The following SLC22A13 variants were observed in gnomAD, a reference collection of about 807,000 sequenced individuals.
SLC22A13 encodes the protein solute carrier family 22 member 13.
Under a neutral mutation model 49.1 loss-of-function variants are expected in SLC22A13, and 42 were observed. That is an observed-to-expected ratio of 0.85 (90% CI 0.67 to 1.11). The LOEUF is 1.11. Ranked by LOEUF, SLC22A13 falls within the 50% of genes least tolerant of loss-of-function variation. The probability of loss-of-function intolerance (pLI) is 0.00; values close to 1 mark genes in which losing one functional copy is unlikely to be tolerated. For synonymous variants in SLC22A13, 282 were observed against 293.1 expected (o/e 0.96, Z 0.39); for missense variants, 694 against 712.8 (o/e 0.97, Z 0.30).
chr3:38,266,283 T>G (rs1342132005), intron 1 of SLC22A13, 45 bp downstream of exon 1: 1 of 1,589,754 alleles, frequency 6.3e-7, no homozygotes, highest in Admixed American at 1.7e-5. Flanking sequence ...TGTGGGTCTG[T>G]CAGGTCTTGT....
intron 1 of SLC22A13, 108 bp from the exon 2 acceptor site, chr3:38,274,164 G>A (rs752300117): frequency 2.3e-5 from 19 of 817,650 alleles, no homozygotes; most frequent in Non-Finnish European, 4.0e-5. Context: ...TCAGTACACA[G>A]TTTGGGAACC....
chr3:38,267,613 G>A (rs984729586), intron 1 of SLC22A13, among the ~76,000 whole-genome samples: 23 of 152,164 alleles, frequency 1.5e-4, no homozygotes, highest in African/African-American at 5.3e-4. Context: ...TCATGCAACC[G>A]TATTCAGCCA....
intron 2 of SLC22A13, 69 bp downstream of exon 2, chr3:38,274,444 C>G (rs1000295155): frequency 6.9e-7 from 1 of 1,459,092 alleles, no homozygotes; most frequent in Admixed American, 1.7e-5. Flanking sequence ...CCAAGTCCCC[C>G]TTATGCCCCT....
rs766729000 is a variant in SLC22A13 at position 38,265,974 on chromosome 3, C to G, written c.114C>G (p.Ala38=). The G allele has an allele frequency of 6.2e-7, 1 of 1,614,104 alleles. No homozygotes were observed. Among genetic ancestry groups the G allele is most frequent in the Non-Finnish European group, 8.5e-7 (1 of 1,180,018 alleles). Residue 38 remains alanine (A), a synonymous_variant, in exon 1 of 10, where the codon GCC becomes GCG. Transcript: ENST00000311856. ...LNFLSPFYFF[A]HVFMVLDEPH... Reference sequence around the variant, plus strand: ...TCCTGTCTCCCTTCTACTTTTTTGCCCATGTCTTCATGGTCCTAGATGAGC... The same window carrying G: ...TCCTGTCTCCCTTCTACTTTTTTGCGCATGTCTTCATGGTCCTAGATGAGC...
chr3:38,274,686 GA>G lies in SLC22A13; in HGVS notation c.566del (p.Glu189GlyfsTer25). On this transcript the variant is annotated frameshift_variant, in exon 3 of 10. Coordinates refer to ENST00000311856, the MANE Select transcript of SLC22A13 (RefSeq NM_004256.4). LOFTEE classifies it high-confidence loss of function. ...GGCCACAGCTTTTGTGCCCAGCTTTGAGCTCTACATGGCCCTGCGCTTTGCT... is the reference window on the plus strand; with the variant it reads ...GGCCACAGCTTTTGTGCCCAGCTTTGGCTCTACATGGCCCTGCGCTTTGCT... ...GLATAFVPSF[E>X]LYMALRFAVA... The G allele has an allele frequency of 1.2e-6, 2 of 1,614,170 alleles. No homozygotes were observed. The highest frequency in any genetic ancestry group is 2.2e-5 in the South Asian group (2 of 91,070).
At chr3:38,271,501 G>A (rs1396598526) in intron 1 of SLC22A13, among the ~76,000 whole-genome samples, 2 of 133,122 alleles carry the variant, frequency 1.5e-5, no homozygotes, top group African/African-American at 5.6e-5. Context: ...GTAGTAAGCC[G>A]TATTCATGCC....
chr3:38,266,103 G>C lies in SLC22A13; in HGVS notation c.243G>C (p.Glu81Asp). ...SVPLDTAGHPEPCLMFRPPPA... is the reference protein window; with the variant it reads ...SVPLDTAGHPDPCLMFRPPPA... ...CCCTGGACACTGCAGGTCACCCAGA[G>C]CCCTGCCTCATGTTCCGGCCACCCC... The change falls in exon 1 of 10, where the codon GAG (glutamate) becomes GAC (aspartate). Residue 81 changes from glutamate (E) to aspartate (D), a missense_variant. Glu to Asp is a conservative substitution (Grantham distance 45, BLOSUM62 2). Coordinates refer to ENST00000311856, the MANE Select transcript of SLC22A13 (RefSeq NM_004256.4). 1 of 1,614,104 alleles carries C rather than the reference G, an allele frequency of 6.2e-7. No individual in the cohort carries two copies. The highest frequency in any genetic ancestry group is 8.5e-7 in the Non-Finnish European group (1 of 1,180,032).
chr3:38,277,700 C>G lies in SLC22A13; in HGVS notation c.*235C>G, dbSNP rs1286884156. 1 of 454,390 alleles carries G rather than the reference C, an allele frequency of 2.2e-6. No individual in the cohort carries two copies. Among genetic ancestry groups the G allele is most frequent in the Non-Finnish European group, 4.0e-6 (1 of 252,068 alleles). The allele number at this position is 454,390 out of a possible 1,614,324, so 28.1% of individuals were successfully genotyped here. ...CTTTCTCATCTCCAGAGCCCTGCCC[C>G]CAATACTCTGTCTGGGTTAGGATCT... On this transcript the variant is annotated 3_prime_UTR_variant, in exon 10 of 10. Transcript: ENST00000311856.
intron 1 of SLC22A13, among the ~76,000 whole-genome samples, chr3:38,269,609 C>A (rs1178883190): frequency 6.6e-6 from 1 of 152,118 alleles, no homozygotes; most frequent in Non-Finnish European, 1.5e-5. Flanking sequence ...GTGATGGCGA[C>A]AAAAGCTGAG....
chr3:38,276,436 A>G, intron 8 of SLC22A13, 41 bp downstream of exon 8: 3 of 1,424,634 alleles, frequency 2.1e-6, no homozygotes, highest in Non-Finnish European at 2.9e-6. Flanking sequence ...TGCTACTGAG[A>G]TGCTGATTTG....
At chr3:38,266,671 C>T (rs1336144036) in intron 1 of SLC22A13, among the ~76,000 whole-genome samples, 1 of 152,176 alleles carries the variant, frequency 6.6e-6, no homozygotes, top group Admixed American at 6.5e-5. Flanking sequence ...ATCCCTTTCC[C>T]TGTCCATTTC....
chr3:38,271,379 A>AT (rs1703518497), intron 1 of SLC22A13, among the ~76,000 whole-genome samples: 1 of 151,948 alleles, frequency 6.6e-6, no homozygotes, highest in African/African-American at 2.4e-5. Flanking sequence ...AGCCTGGGCA[A>AT]TATAGTGAGA....
rs572386973 is a variant in SLC22A13, at chr3:38,273,118, T to G, written c.379-1154T>G. ...GCTGGAGGAGAGCTCACATGACGGT[T>G]CCCCAACAAACATTTGTGTGTGGAA... On this transcript the variant is annotated intron_variant, in intron 1 of 9. Transcript: ENST00000311856. Among the ~76,000 whole-genome samples the G allele has an allele frequency of 7.9e-5, 12 of 152,106 alleles. No homozygotes were observed. The East Asian group carries it at 2.1e-3, about 27-fold the overall frequency.
intron 1 of SLC22A13, among the ~76,000 whole-genome samples, chr3:38,271,255 G>A (rs552232768): frequency 2.0e-4 from 31 of 152,070 alleles, no homozygotes; most frequent in South Asian, 6.2e-4. Context: ...TTTCCTGGGC[G>A]TCCACCCTTG....
chr3:38,274,913 C>A (rs759284297), intron 3 of SLC22A13, 76 bp from the exon 4 acceptor site: 7 of 1,580,182 alleles, frequency 4.4e-6, no homozygotes, highest in Non-Finnish European at 6.1e-6. Flanking sequence ...GGCCCAGCCC[C>A]CACAGGGTGG....
chr3:38,271,490 A>G (rs900665542), intron 1 of SLC22A13, among the ~76,000 whole-genome samples: 3 of 141,424 alleles, frequency 2.1e-5, no homozygotes, highest in Non-Finnish European at 4.6e-5. Context: ...CGTTTGAGCT[A>G]GTAGTAAGCC....
In SLC22A13 at chr3:38,268,640, A is replaced by G. The variant is rs77019162; in HGVS notation, c.378+2402A>G. 4.2e-3 allele frequency among the ~76,000 whole-genome samples: 639 copies of G among 152,378 alleles called. 8 individuals carry two copies. The highest frequency in any genetic ancestry group is 0.015 in the African/African-American group (616 of 41,584). ...GTTGGAAATTAACTTTGAAAAATAAATCAGCAAATAGCAAATTTTCTCAAA... is the reference window on the plus strand; with the variant it reads ...GTTGGAAATTAACTTTGAAAAATAAGTCAGCAAATAGCAAATTTTCTCAAA... On this transcript the variant is annotated intron_variant, in intron 1 of 9. Coordinates refer to ENST00000311856, the MANE Select transcript of SLC22A13 (RefSeq NM_004256.4).
rs759807364 is a variant in SLC22A13, at chr3:38,275,193, G to C, written c.806+36G>C. 6.2e-6 allele frequency: 10 copies of C among 1,611,578 alleles called. No homozygotes were observed. The African/African-American group carries it at 6.7e-5, about 11-fold the overall frequency. On this transcript the variant is annotated intron_variant, in intron 4 of 9. Transcript: ENST00000311856. ...TACATGCCAGGAGCAAGCCCCCCCA[G>C]GTTAGTTGTGTTGTGGTGGGGTTGC...
rs138860849 is a variant in SLC22A13 at position 38,275,130 on chromosome 3, C to T, written c.779C>T (p.Pro260Leu). 1.9e-6 allele frequency: 3 copies of T among 1,614,224 alleles called. No individual in the cohort carries two copies. The highest frequency in any genetic ancestry group is 3.3e-5 in the Admixed American group (2 of 60,028). Residue 260 changes from proline (P) to leucine (L), a missense_variant, in exon 4 of 10, where the codon CCT becomes CTT. Coordinates refer to ENST00000311856, the MANE Select transcript of SLC22A13 (RefSeq NM_004256.4). ...CTCCTTCAGATCACCGGCACTGCGC[C>T]TGGCTTACTGCTCTTCTTCTACTTC... Reference protein sequence around the residue: ...WRLLQITGTAPGLLLFFYFWA... With the variant: ...WRLLQITGTALGLLLFFYFWA...
Sources: allele counts gnomAD v4.1 joint callset (sites outside exome capture counted in the v4.1 genomes callset), GRCh38; gene constraint gnomAD v4.1.1; transcripts MANE v1.5; gene names NCBI Gene and HGNC (gene_info 2026-07-23, HGNC 2026-07-21).